Variants in DENND1B observed in about 807,000 individuals in gnomAD.
DENND1B encodes DENN domain-containing protein 1B.
Under a neutral mutation model 90.1 loss-of-function variants are expected in DENND1B, and 59 were observed. The observed-to-expected ratio is 0.65, with a 90% CI of 0.53 to 0.81. The LOEUF is 0.81. DENND1B is among the 40% of genes least tolerant of loss of function. The pLI is 0.00. For synonymous variants in DENND1B, 337 were observed against 324.6 expected (o/e 1.04, Z -0.41); for missense variants, 862 against 912.6 (o/e 0.94, Z 0.71).
chr1:197,568,004 GGGAA>G (rs539486255), intron 15 of DENND1B, among the ~76,000 whole-genome samples: 18 of 150,866 alleles, frequency 1.2e-4, no homozygotes, highest in South Asian at 6.3e-4. Flanking sequence ...AGGGGAGGGA[GGGAA>G]GGAAGGAAGG....
chr1:197,777,969 C>G (rs1189636277), upstream of DENND1B, among the ~76,000 whole-genome samples: 1 of 152,024 alleles, frequency 6.6e-6, no homozygotes, highest in Non-Finnish European at 1.5e-5. Flanking sequence ...TTTGCATCTG[C>G]TTGACATAAT....
chr1:197,694,227 A>G (rs1401348549), intron 3 of DENND1B, among the ~76,000 whole-genome samples: 1 of 151,394 alleles, frequency 6.6e-6, no homozygotes, highest in African/African-American at 2.4e-5. Context: ...AAAAAATTAG[A>G]AAAATTCCCC....
chr1:197,650,102 AGC>A (rs1302799546), intron 7 of DENND1B, among the ~76,000 whole-genome samples: 1 of 152,216 alleles, frequency 6.6e-6, no homozygotes, highest in African/African-American at 2.4e-5. Context: ...ATGAAAAAAA[AGC>A]TTAACATCAC....
In DENND1B at chr1:197,575,287, C is replaced by T. The variant is rs115034867; in HGVS notation, c.1149+7865G>A. 4.6e-3 allele frequency among the ~76,000 whole-genome samples: 702 copies of T among 152,014 alleles called. 4 individuals are homozygous for T. Among genetic ancestry groups the T allele is most frequent in the Non-Finnish European group, 7.8e-3 (532 of 67,976 alleles). On this transcript the variant is annotated intron_variant, in intron 15 of 22. Coordinates refer to ENST00000620048, the MANE Select transcript of DENND1B (RefSeq NM_001195215.2). ...AAAGTGGGAAAAGCATAGGAACAGA[C>T]GCTTCTCAAAAGACATTTATGCTGC...
At chr1:197,732,044 G>T (rs554023523) in intron 2 of DENND1B, among the ~76,000 whole-genome samples, 5 of 152,294 alleles carry the variant, frequency 3.3e-5, no homozygotes, top group Non-Finnish European at 7.4e-5. Context: ...GCAGAAATTT[G>T]ACCATAGTGA....
intron 11 of DENND1B, among the ~76,000 whole-genome samples, chr1:197,614,809 G>C (rs939114125): frequency 1.3e-5 from 2 of 150,962 alleles, no homozygotes; most frequent in African/African-American, 2.4e-5. Context: ...AAAAAGAAGA[G>C]TCATATAGCC....
At chr1:197,634,972 C>A (rs565085596) in intron 10 of DENND1B, among the ~76,000 whole-genome samples, 1 of 145,432 alleles carries the variant, frequency 6.9e-6, no homozygotes, top group Non-Finnish European at 1.5e-5. Context: ...AACACCTTGG[C>A]GACAAGAGTG....
intron 8 of DENND1B, among the ~76,000 whole-genome samples, chr1:197,646,345 T>C (rs1217493390): frequency 1.3e-5 from 2 of 151,980 alleles, no homozygotes; most frequent in African/African-American, 4.8e-5. Flanking sequence ...ATATGATTGT[T>C]ACACATCTGC....
At chr1:197,656,849 T>A (rs987712911) in intron 6 of DENND1B, among the ~76,000 whole-genome samples, 4 of 150,408 alleles carry the variant, frequency 2.7e-5, no homozygotes, top group Non-Finnish European at 4.4e-5. Context: ...GAAAAAAAAA[T>A]TAAAATCATT....
chr1:197,743,402 A>C (rs34364763), intron 2 of DENND1B, among the ~76,000 whole-genome samples: 124,850 of 151,776 alleles, frequency 0.82, 51,946 homozygotes, highest in African/African-American at 0.95. Context: ...AAAAATGTAA[A>C]AAACCCTAAT....
chr1:197,578,335 C>G (rs1218106715), intron 15 of DENND1B, among the ~76,000 whole-genome samples: 1 of 152,054 alleles, frequency 6.6e-6, no homozygotes, highest in Non-Finnish European at 1.5e-5. Context: ...ACCTCTGTCT[C>G]CCAGGTTCAA....
intron 10 of DENND1B, among the ~76,000 whole-genome samples, chr1:197,628,745 C>A (rs1023328041): frequency 2.0e-5 from 3 of 151,960 alleles, no homozygotes; most frequent in Admixed American, 1.3e-4. Context: ...AGGCAACCTA[C>A]AACATGGGAG....
intron 10 of DENND1B, among the ~76,000 whole-genome samples, chr1:197,623,832 A>G (rs1678397280): frequency 6.6e-6 from 1 of 151,648 alleles, no homozygotes; most frequent in Non-Finnish European, 1.5e-5. Flanking sequence ...CCATTATAGT[A>G]TCATAAAAAT....
intron 6 of DENND1B, among the ~76,000 whole-genome samples, chr1:197,656,132 G>C (rs958861521): frequency 6.6e-6 from 1 of 151,878 alleles, no homozygotes; most frequent in Non-Finnish European, 1.5e-5. Flanking sequence ...TCATCTTGAA[G>C]AGAAAAGAGT....
chr1:197,652,359 C>A (rs369419020), intron 6 of DENND1B, 44 bp from the exon 7 acceptor site: 2 of 1,424,990 alleles, frequency 1.4e-6, no homozygotes, highest in Non-Finnish European at 1.9e-6. Flanking sequence ...AAACATATAC[C>A]AAGCAACTGC....
At chr1:197,557,286 T>G (rs545437576) in intron 15 of DENND1B, among the ~76,000 whole-genome samples, 1 of 151,884 alleles carries the variant, frequency 6.6e-6, no homozygotes, top group African/African-American at 2.4e-5. Flanking sequence ...TACTGACAAA[T>G]AGAACAAACT....
chr1:197,558,185 T>A (rs1024459603), intron 15 of DENND1B, among the ~76,000 whole-genome samples: 1 of 151,762 alleles, frequency 6.6e-6, no homozygotes, highest in Non-Finnish European at 1.5e-5. Context: ...CTTAATATTT[T>A]TCTTTTTATT....
At chr1:197,703,281 C>T (rs1162981386) in intron 3 of DENND1B, among the ~76,000 whole-genome samples, 4 of 151,444 alleles carry the variant, frequency 2.6e-5, no homozygotes, top group South Asian at 2.1e-4. Context: ...CCACAGCACT[C>T]GGCCCACTTC....
chr1:197,607,089 T>C lies in DENND1B; in HGVS notation c.905A>G (p.Asn302Ser), dbSNP rs1572047404. 6.2e-7 allele frequency: 1 copy of C among 1,605,476 alleles called. No homozygotes were observed. Among genetic ancestry groups the C allele is most frequent in the Non-Finnish European group, 8.5e-7 (1 of 1,174,484 alleles). Residue 302 changes from asparagine (N) to serine (S), a missense_variant, in exon 13 of 23, where the codon AAC (asparagine) becomes AGC (serine). Coordinates refer to ENST00000620048, the MANE Select transcript of DENND1B (RefSeq NM_001195215.2). ...TLESPFSDLN[N>S]LPSDVVSALK... is the part of the protein sequence containing the mutation. ...CATACTTACCACATCACTTGGTAGGTTGTTCAAGTCACTAAATGGTGATTC... is the reference window on the plus strand; with the variant it reads ...CATACTTACCACATCACTTGGTAGGCTGTTCAAGTCACTAAATGGTGATTC...
Sources: allele counts gnomAD v4.1 joint callset (sites outside exome capture counted in the v4.1 genomes callset), GRCh38; gene constraint gnomAD v4.1.1; transcripts MANE v1.5; gene names NCBI Gene and HGNC (gene_info 2026-07-23, HGNC 2026-07-21).